Variants in KCNQ1 observed in about 807,000 individuals in gnomAD.
The protein encoded by KCNQ1 is potassium voltage-gated channel subfamily Q member 1.
KCNQ1 carries 49 observed loss-of-function variants against 72.4 expected under a neutral mutation model. That is an observed-to-expected ratio of 0.68 (90% CI 0.54 to 0.86). KCNQ1 has a LOEUF of 0.86. KCNQ1 is among the 40% of genes least tolerant of loss of function. The probability of loss-of-function intolerance (pLI) is 0.00; values close to 1 mark genes in which losing one functional copy is unlikely to be tolerated. For missense variants in KCNQ1, 790 were observed against 945.1 expected, an observed-to-expected ratio of 0.84 and a Z score of 2.15; for synonymous variants, 450 against 412.6, an observed-to-expected ratio of 1.09 and a Z score of -1.10.
At chr11:2,616,132 A>T (rs1849059631) in intron 10 of KCNQ1, 1 of 397,596 alleles carries the variant, frequency 2.5e-6, no homozygotes, top group Non-Finnish European at 4.4e-6. Context: ...ATTTGTTGGT[A>T]TACAGTTATT....
intron 2 of KCNQ1, among the ~76,000 whole-genome samples, chr11:2,555,745 T>G (rs1848060911): frequency 6.6e-6 from 1 of 152,238 alleles, no homozygotes; most frequent in Non-Finnish European, 1.5e-5. Context: ...CCTGGGCCTT[T>G]TCTTCTGGTC....
rs753231485 is a variant in KCNQ1, at chr11:2,585,327, C to T, written c.1128+20C>T. 1.2e-6 allele frequency: 2 copies of T among 1,604,552 alleles called. No homozygotes were observed. Among genetic ancestry groups the T allele is most frequent in the Non-Finnish European group, 1.7e-6 (2 of 1,171,626 alleles). On this transcript the variant is annotated intron_variant, in intron 8 of 15. Transcript: ENST00000155840. ...ATTCAGGTGCGGTGCCTGCAAGGCC[C>T]TGGTCACTGTCATTTTGGTCACTGT...
intron 2 of KCNQ1, among the ~76,000 whole-genome samples, chr11:2,556,174 C>G (rs76060301): frequency 0.01 from 1,599 of 152,312 alleles, 29 homozygotes; most frequent in African/African-American, 0.036. Context: ...GCCCCCCGGC[C>G]GGCAAGTCCA....
At chr11:2,731,836 C>T (rs1020389967) in intron 11 of KCNQ1, among the ~76,000 whole-genome samples, 7 of 152,248 alleles carry the variant, frequency 4.6e-5, no homozygotes, top group East Asian at 3.9e-4. Context: ...TCAGCTAGAG[C>T]GTCTGATCAC....
At chr11:2,573,513 G>T (rs1476362086) in intron 6 of KCNQ1, among the ~76,000 whole-genome samples, 1 of 152,218 alleles carries the variant, frequency 6.6e-6, no homozygotes, top group Admixed American at 6.5e-5. Context: ...AGATCAGAGA[G>T]CCCCCGTGTT....
intron 1 of KCNQ1, chr11:2,461,900 C>A: frequency 4.6e-6 from 2 of 438,842 alleles, no homozygotes; most frequent in Non-Finnish European, 8.4e-6. Flanking sequence ...ATGGATGGGG[C>A]ATGCTGCTTC....
In KCNQ1 at chr11:2,516,228, C is replaced by A. The variant is rs371152286; in HGVS notation, c.387-11700C>A. Among the ~76,000 whole-genome samples, 3 of 152,040 alleles carry A rather than the reference C, an allele frequency of 2.0e-5. No homozygotes were observed. In the East Asian group the frequency reaches 5.8e-4, roughly 29 times the overall value. ...GATGCTGTGTGACTTGAGGCAGGTC[C>A]CTTAACCTCTCTGAGCTTCCTCCTC... On this transcript the variant is annotated intron_variant, in intron 1 of 15. Transcript: ENST00000155840. This position sits in a 1 kb window ranked among gnomAD's most constrained non-coding sequence, Gnocchi z 7.0.
In KCNQ1 at chr11:2,759,489, G is replaced by A. The variant is rs949788673; in HGVS notation, c.1515-9355G>A. ...GCCACTTAGAGGGTCCCCCAAGCTC[G>A]GGCCTTTGAAGACAGCTCTGTGTCT... On this transcript the variant is annotated intron_variant, in intron 11 of 15. Coordinates refer to ENST00000155840, the MANE Select transcript of KCNQ1 (RefSeq NM_000218.3). This position sits in a 1 kb window ranked among gnomAD's most constrained non-coding sequence, Gnocchi z 4.4. Among the ~76,000 whole-genome samples the A allele has an allele frequency of 2.6e-5, 4 of 152,198 alleles. No homozygotes were observed. Among genetic ancestry groups the A allele is most frequent in the Non-Finnish European group, 5.9e-5 (4 of 68,022 alleles).
rs774627314 is a variant in KCNQ1 at position 2,521,601 on chromosome 11, G to A, written c.387-6327G>A. On this transcript the variant is annotated intron_variant, in intron 1 of 15. Transcript: ENST00000155840. ...TTCCATGGTGCAGTGGCTTCCAGCTGGAGTTCTAAGGGCACCCCTTGAGCT... is the reference window on the plus strand; with the variant it reads ...TTCCATGGTGCAGTGGCTTCCAGCTAGAGTTCTAAGGGCACCCCTTGAGCT... 2.2e-5 allele frequency: 10 copies of A among 462,886 alleles called. No homozygotes were observed. The East Asian group carries it at 2.8e-4, about 13-fold the overall frequency. The allele number at this position is 462,886 out of a possible 1,614,324, so 28.7% of individuals were successfully genotyped here.
chr11:2,580,895 G>T (rs1848489529), intron 6 of KCNQ1, among the ~76,000 whole-genome samples: 1 of 152,240 alleles, frequency 6.6e-6, no homozygotes, highest in Non-Finnish European at 1.5e-5. Flanking sequence ...TGCCAGCCAG[G>T]CAGACGGTGC....
chr11:2,825,997 C>T (rs978293725), intron 15 of KCNQ1, among the ~76,000 whole-genome samples: 1 of 152,168 alleles, frequency 6.6e-6, no homozygotes, highest in African/African-American at 2.4e-5. Context: ...ACCCTCTCCC[C>T]GAGGCCTCGT....
chr11:2,663,331 G>A lies in KCNQ1; in HGVS notation c.1514+1250G>A. On this transcript the variant is annotated intron_variant, in intron 11 of 15. Transcript: ENST00000155840. This position sits in a 1 kb window ranked among gnomAD's most constrained non-coding sequence, Gnocchi z 5.2. ...GCTGGGTAAAAAGGCAGGAGCAGAGGTGTGAGCAGGCTGGTAGCCAGATGG... is the reference window on the plus strand; with the variant it reads ...GCTGGGTAAAAAGGCAGGAGCAGAGATGTGAGCAGGCTGGTAGCCAGATGG... 1 of 398,850 alleles carries A rather than the reference G, an allele frequency of 2.5e-6. No homozygotes were observed. The allele number at this position is 398,850 out of a possible 1,614,324, so 24.7% of individuals were successfully genotyped here. A position where few individuals can be genotyped will look rare whatever the true frequency, so the allele number is the denominator to read the frequency against.
intron 15 of KCNQ1, 142 bp from the exon 16 acceptor site, chr11:2,847,625 G>A (rs1209955998): frequency 3.5e-5 from 26 of 744,318 alleles, no homozygotes; most frequent in Middle Eastern, 3.4e-4. Flanking sequence ...GGGTGCACAC[G>A]TGCGTGCCGC....
intron 2 of KCNQ1, among the ~76,000 whole-genome samples, chr11:2,560,889 G>A (rs1489368648): frequency 6.6e-6 from 1 of 152,070 alleles, no homozygotes; most frequent in Non-Finnish European, 1.5e-5. Context: ...GGGCTTCACT[G>A]CAGGGAGAGT....
rs558452873 is a variant in KCNQ1 at position 2,775,965 on chromosome 11, G to A, written c.1596G>A (p.Ala532=). The part of the protein sequence containing the change: ...YFVAKKKFQQ[A]RKPYDVRDVI... ...CGTGTCTTTTTGTCCCGCAGCAAGCGCGGAAGCCTTACGATGTGCGGGACG... is the reference window on the plus strand; with the variant it reads ...CGTGTCTTTTTGTCCCGCAGCAAGCACGGAAGCCTTACGATGTGCGGGACG... Residue 532 remains alanine (A), a synonymous_variant, in exon 13 of 16, where the codon GCG becomes GCA. Coordinates refer to ENST00000155840, the MANE Select transcript of KCNQ1 (RefSeq NM_000218.3). 26 of 1,559,436 alleles carry A rather than the reference G, an allele frequency of 1.7e-5. No individual in the cohort carries two copies. Among genetic ancestry groups the A allele is most frequent in the African/African-American group, 4.1e-5 (3 of 73,798 alleles).
chr11:2,847,951 C>T lies in KCNQ1; in HGVS notation c.1979C>T (p.Pro660Leu). 6.4e-7 allele frequency: 1 copy of T among 1,570,094 alleles called. No homozygotes were observed. The highest frequency in any genetic ancestry group is 1.2e-5 in the South Asian group (1 of 85,736). ...CTCTTCCTGCCCAGCAACACCCTGC[C>T]CACCTACGAGCAGCTGACCGTGCCC... ...PELFLPSNTLPTYEQLTVPRR... is the reference protein window; with the variant it reads ...PELFLPSNTLLTYEQLTVPRR... The change falls in exon 16 of 16, where the codon CCC becomes CTC. Residue 660 changes from proline (P) to leucine (L), a missense_variant. Physicochemically the swap from Pro to Leu is moderately conservative, Grantham distance 98. This residue lies in a region of KCNQ1 where 94 missense variants were observed against 85.2 expected (regional missense o/e 1.10). Coordinates refer to ENST00000155840, the MANE Select transcript of KCNQ1 (RefSeq NM_000218.3).
rs1850501727 is a variant in KCNQ1, at chr11:2,687,045, C to T, written c.1514+24964C>T. On this transcript the variant is annotated intron_variant, in intron 11 of 15. Transcript: ENST00000155840. This position sits in a 1 kb window ranked among gnomAD's most constrained non-coding sequence, Gnocchi z 5.0. ...GGGCTAAAACTCAGCAGTCCCAGCT[C>T]TGGGGGACAAGGACCCACAAAGTGA... The T allele has an allele frequency of 2.5e-6, 1 of 398,528 alleles. No homozygotes were observed. The highest frequency in any genetic ancestry group is 1.3e-4 in the South Asian group (1 of 7,842). 24.7% of individuals were successfully genotyped at this position (398,528 alleles called of 1,614,324 possible).
rs577376816 is a variant in KCNQ1 at position 2,828,051 on chromosome 11, G to A, written c.1795-19716G>A. ...GAGGGAACACTACCTGCAAAGGGGCGAGGGCAGGACAAAGGCTGGCAGCAC... is the reference window on the plus strand; with the variant it reads ...GAGGGAACACTACCTGCAAAGGGGCAAGGGCAGGACAAAGGCTGGCAGCAC... On this transcript the variant is annotated intron_variant, in intron 15 of 15. Coordinates refer to ENST00000155840, the MANE Select transcript of KCNQ1 (RefSeq NM_000218.3). The surrounding 1 kb of genome is among the most constrained non-coding windows in gnomAD (Gnocchi z 5.3). 1.4e-4 allele frequency among the ~76,000 whole-genome samples: 21 copies of A among 152,320 alleles called. No homozygotes were observed. The East Asian group carries it at 1.5e-3, about 11-fold the overall frequency.
Position 2,769,806 on chromosome 11 carries a change from A to G in KCNQ1, c.1590+887A>G, listed in dbSNP as rs163154. Among the ~76,000 whole-genome samples the G allele has an allele frequency of 1, 151,977 of 152,094 alleles. 75,931 individuals carry two copies. Among genetic ancestry groups the G allele is most frequent in the Middle Eastern group, 1 (294 of 294 alleles). On this transcript the variant is annotated intron_variant, in intron 12 of 15. Coordinates refer to ENST00000155840, the MANE Select transcript of KCNQ1 (RefSeq NM_000218.3). The surrounding 1 kb of genome is among the most constrained non-coding windows in gnomAD (Gnocchi z 4.6). ...GAGTGCGTGTCTGCAGGAGCAGGGC[A>G]GGGTGGGGCTTCTGAGCTGGGGGCC... is the stretch of plus-strand genomic sequence containing the variant.
Sources: gnomAD v4.1 joint callset for allele counts (sites outside exome capture counted in the v4.1 genomes callset) on GRCh38, gnomAD v4.1.1 for gene constraint, gnomAD v4.1.1 regional missense constraint, Gnocchi (gnomAD v3.1) non-coding constraint, MANE v1.5 for transcripts, NCBI Gene and HGNC (gene_info 2026-07-23, HGNC 2026-07-21) for gene names.